The following CAPN8 variants were observed in gnomAD, a reference collection of about 807,000 sequenced individuals.
The protein encoded by CAPN8 is calpain 8, also known as calpain-8.
Under a neutral mutation model 80.9 loss-of-function variants are expected in CAPN8, and 87 were observed. The ratio of observed to expected loss-of-function variants is 1.07; its 90% confidence interval spans 0.90 to 1.28. The LOEUF is 1.28. Ranked by LOEUF, CAPN8 falls within the 50% of genes most tolerant of loss-of-function variation. The pLI is 0.00. For synonymous variants in CAPN8, 299 were observed against 273.8 expected (o/e 1.09, Z -0.91); for missense variants, 757 against 702.0 (o/e 1.08, Z -0.89).
chr1:223,626,723 C>T (rs1657591024), intron 5 of CAPN8, among the ~76,000 whole-genome samples: 1 of 152,176 alleles, frequency 6.6e-6, no homozygotes, highest in South Asian at 2.1e-4. Context: ...CTTAGGGCCA[C>T]TCCAGCAGTA....
chr1:223,622,604 A>G (rs187665689), intron 7 of CAPN8: 15 of 561,560 alleles, frequency 2.7e-5, no homozygotes, highest in African/African-American at 2.4e-4. Flanking sequence ...GCCAAAGCAG[A>G]AAGCCAGAAT....
At chr1:223,611,454 TA>T (rs2102697605) in intron 11 of CAPN8, among the ~76,000 whole-genome samples, 1 of 152,316 alleles carries the variant, frequency 6.6e-6, no homozygotes, top group South Asian at 2.1e-4. Context: ...TGCATATAAT[TA>T]AAAGTTGGTA....
chr1:223,541,943 G>A (rs1656476001), intron 20 of CAPN8, 84 bp from the exon 21 acceptor site: 1 of 1,545,476 alleles, frequency 6.5e-7, no homozygotes, highest in Admixed American at 2.0e-5. Context: ...GCCTCACATG[G>A]GTGCGATCTT....
intron 4 of CAPN8, 127 bp from the exon 5 acceptor site, chr1:223,627,284 G>A: frequency 9.3e-6 from 10 of 1,078,720 alleles, no homozygotes; most frequent in Non-Finnish European, 1.2e-5. Flanking sequence ...TGCCTATTTT[G>A]CCTATGGGCC....
chr1:223,555,389 G>A (rs1656880434), intron 13 of CAPN8, among the ~76,000 whole-genome samples: 1 of 152,088 alleles, frequency 6.6e-6, no homozygotes, highest in African/African-American at 2.4e-5. Flanking sequence ...AGCCTCTCTG[G>A]GGCTGTTTCC....
chr1:223,549,320 C>T lies in CAPN8; in HGVS notation c.1762G>A (p.Asp588Asn). ...ATAATGCAACATTTAAAGGATACAT[C>T]CAACAGACTGATCATTTCCCTGCAA... is the stretch of plus-strand genomic sequence containing the variant. ...NTCREMISLL[D>N]SNGTGTLGAV... Residue 588 changes from aspartate to asparagine, a missense_variant and splice_region_variant, in exon 16 of 21, where the codon GAT (aspartate) becomes AAT (asparagine). Asp to Asn is a conservative substitution (Grantham distance 23). Coordinates refer to ENST00000366872, the MANE Select transcript of CAPN8 (RefSeq NM_001143962.2). 1 of 1,551,614 alleles carries T rather than the reference C, an allele frequency of 6.4e-7. No homozygotes were observed.
At chr1:223,543,001 C>A in intron 20 of CAPN8, 107 bp downstream of exon 20, 1 of 1,265,058 alleles carries the variant, frequency 7.9e-7, no homozygotes, top group Non-Finnish European at 1.1e-6. Flanking sequence ...ATGGTATTCA[C>A]ATGGAACTAA....
At chr1:223,543,236 C>A in intron 19 of CAPN8, 70 bp from the exon 20 acceptor site, 2 of 1,503,054 alleles carry the variant, frequency 1.3e-6, no homozygotes, top group Non-Finnish European at 1.8e-6. Context: ...CAGAGAGCTG[C>A]CTCTGTCTAC....
chr1:223,643,063 T>A (rs1208840201), intron 2 of CAPN8, among the ~76,000 whole-genome samples: 1 of 152,232 alleles, frequency 6.6e-6, no homozygotes, highest in African/African-American at 2.4e-5. Context: ...GCGGCTTGCT[T>A]ACTGAGTTTA....
chr1:223,635,484 G>A (rs1281092584), intron 2 of CAPN8, among the ~76,000 whole-genome samples: 1 of 152,226 alleles, frequency 6.6e-6, no homozygotes, highest in Non-Finnish European at 1.5e-5. Context: ...TCTCTGGCTA[G>A]ACTTGGAAGC....
chr1:223,638,793 A>G (rs1657975054), intron 2 of CAPN8, among the ~76,000 whole-genome samples: 1 of 152,186 alleles, frequency 6.6e-6, no homozygotes, highest in African/African-American at 2.4e-5. Flanking sequence ...GCTCTGTCCT[A>G]ATCCATTCAC....
At chr1:223,635,264 C>G (rs944311131) in intron 2 of CAPN8, among the ~76,000 whole-genome samples, 3 of 152,212 alleles carry the variant, frequency 2.0e-5, no homozygotes, top group Admixed American at 6.5e-5. Flanking sequence ...CTCCCTTCCC[C>G]CACTTGGTGA....
chr1:223,554,030 G>A (rs1399079620), intron 13 of CAPN8, 130 bp from the exon 14 acceptor site: 1 of 394,758 alleles, frequency 2.5e-6, no homozygotes, highest in Non-Finnish European at 4.5e-6. Context: ...TTTGGGCTAA[G>A]TGGGGGCACA....
At chr1:223,638,023 C>T (rs1657949773) in intron 2 of CAPN8, among the ~76,000 whole-genome samples, 1 of 152,080 alleles carries the variant, frequency 6.6e-6, no homozygotes, top group South Asian at 2.1e-4. Context: ...CTCCAGTTGG[C>T]CTTCTGTATC....
intron 10 of CAPN8, 170 bp downstream of exon 10, chr1:223,615,800 G>A: frequency 1.3e-6 from 1 of 755,156 alleles, no homozygotes; most frequent in Non-Finnish European, 2.3e-6. Flanking sequence ...ATCTCTAAAT[G>A]TGGAATTCAG....
At chr1:223,649,259 C>G (rs1412451920) in intron 2 of CAPN8, among the ~76,000 whole-genome samples, 1 of 152,216 alleles carries the variant, frequency 6.6e-6, no homozygotes, top group South Asian at 2.1e-4. Context: ...ACAAATGATA[C>G]CACACCTTAG....
intron 2 of CAPN8, among the ~76,000 whole-genome samples, chr1:223,632,024 A>G (rs1657787832): frequency 6.8e-6 from 1 of 147,272 alleles, no homozygotes; most frequent in African/African-American, 2.5e-5. Context: ...CGGCAACAAA[A>G]TGTCCCTCCG....
At chr1:223,549,260 G>C in intron 16 of CAPN8, 58 bp downstream of exon 16, 1 of 1,534,008 alleles carries the variant, frequency 6.5e-7, no homozygotes, top group Non-Finnish European at 8.8e-7. Flanking sequence ...AGGTGGAGGA[G>C]TCTTTAAAAA....
At chr1:223,623,350 G>A (rs1657461241) in intron 6 of CAPN8, among the ~76,000 whole-genome samples, 1 of 152,128 alleles carries the variant, frequency 6.6e-6, no homozygotes, top group Non-Finnish European at 1.5e-5. Context: ...CGACAATCCT[G>A]AGAAGATAAA....
Sources: gnomAD v4.1 joint callset for allele counts (sites outside exome capture counted in the v4.1 genomes callset) on GRCh38, gnomAD v4.1.1 for gene constraint, MANE v1.5 for transcripts, NCBI Gene and HGNC (gene_info 2026-07-23, HGNC 2026-07-21) for gene names.